The following PHTF1 variants were observed in gnomAD, a reference collection of about 807,000 sequenced individuals.
The protein encoded by PHTF1 is putative homeodomain transcription factor 1, also known as protein PHTF1.
Under a neutral mutation model 102.4 loss-of-function variants are expected in PHTF1, and 88 were observed. The observed-to-expected ratio is 0.86, with a 90% CI of 0.72 to 1.03. The LOEUF (loss-of-function observed/expected upper bound fraction) is 1.03, where lower values mean the gene tolerates loss of function less well. Among genes scored for constraint, PHTF1 ranks in the 50% least tolerant of loss-of-function variants. The pLI is 0.00. For synonymous variants in PHTF1, 289 were observed against 305.2 expected (o/e 0.95, Z 0.55); for missense variants, 814 against 909.5 (o/e 0.89, Z 1.35).
intron 7 of PHTF1, chr1:113,713,813 A>T: frequency 5.8e-6 from 1 of 172,044 alleles, no homozygotes; most frequent in Non-Finnish European, 1.2e-5. Context: ...CTATTGAGAC[A>T]CCAGCTGGGT....
chr1:113,731,359 C>A (rs2636016), intron 5 of PHTF1, among the ~76,000 whole-genome samples: 1,848 of 151,398 alleles, frequency 0.012, 46 homozygotes, highest in African/African-American at 0.043. Flanking sequence ...ATAGCGAGAG[C>A]CCATCTCTAA....
chr1:113,748,092 C>T (rs369821191), intron 3 of PHTF1, among the ~76,000 whole-genome samples: 1 of 152,148 alleles, frequency 6.6e-6, no homozygotes, highest in African/African-American at 2.4e-5. Context: ...ACCCTTTCAC[C>T]TCAGCCGTCT....
Position 113,706,719 on chromosome 1 carries a change from G to A in PHTF1, c.1273C>T (p.His425Tyr). The change falls in exon 12 of 19, where the codon CAT becomes TAT. Residue 425 changes from histidine (H) to tyrosine (Y), a missense_variant. Coordinates refer to ENST00000369604, the MANE Select transcript of PHTF1 (RefSeq NM_001323043.2). The part of the protein sequence containing the change: ...DPKEDVFQQN[H>Y]LFWLQNSSPS... ...CTTGAATTCTGAAGCCAGAATAAAT[G>A]ATTCTGAGAAGAAAAATATAAAATT... 1 of 1,597,162 alleles carries A rather than the reference G, an allele frequency of 6.3e-7. No individual in the cohort carries two copies. Among genetic ancestry groups the A allele is most frequent in the South Asian group, 1.1e-5 (1 of 88,234 alleles).
chr1:113,752,981 T>C (rs1571258670), intron 3 of PHTF1, among the ~76,000 whole-genome samples: 1 of 152,350 alleles, frequency 6.6e-6, no homozygotes, highest in Non-Finnish European at 1.5e-5. Context: ...AAGAACCTAG[T>C]TTATTATTAA....
chr1:113,698,181 A>G, intron 18 of PHTF1, 81 bp downstream of exon 18: 1 of 739,686 alleles, frequency 1.4e-6, no homozygotes, highest in Non-Finnish European at 2.2e-6. Context: ...ACACACACAC[A>G]CACACACGTG....
intron 5 of PHTF1, among the ~76,000 whole-genome samples, chr1:113,731,843 G>A (rs1482855346): frequency 2.8e-5 from 4 of 143,684 alleles, no homozygotes; most frequent in African/African-American, 1.0e-4. Context: ...GTTGCAGTGA[G>A]CCGAGATCAA....
rs773833412 is a variant in PHTF1, at chr1:113,704,730, G to A, written c.1739C>T (p.Pro580Leu). Residue 580 changes from proline to leucine, a missense_variant, in exon 14 of 19, where the codon CCT becomes CTT. Physicochemically the swap from Pro to Leu is moderately conservative, Grantham distance 98. Coordinates refer to ENST00000369604, the MANE Select transcript of PHTF1 (RefSeq NM_001323043.2). ...SARKARKYEI[P>L]HFRLKKVENI... ...CTCCACCTTCTTAAGTCTGAAATGA[G>A]GTATTTCATATTTCCTAGCTTTCCT... is the stretch of plus-strand genomic sequence containing the variant. The A allele has an allele frequency of 1.9e-6, 3 of 1,570,232 alleles. No individual in the cohort carries two copies. The highest frequency in any genetic ancestry group is 4.5e-5 in the East Asian group (2 of 44,630).
intron 14 of PHTF1, among the ~76,000 whole-genome samples, 184 bp downstream of exon 14, chr1:113,704,479 CTCT>C (rs547871779): frequency 7.2e-4 from 110 of 152,256 alleles, no homozygotes; most frequent in African/African-American, 2.5e-3. Context: ...CCTTTCTAAG[CTCT>C]TCTTTACCTA....
chr1:113,746,693 C>T (rs771299842), intron 3 of PHTF1, among the ~76,000 whole-genome samples: 7 of 152,086 alleles, frequency 4.6e-5, no homozygotes, highest in African/African-American at 7.2e-5. Context: ...ATCTACCTAT[C>T]GCATATGGAA....
chr1:113,706,108 T>C lies in PHTF1; in HGVS notation c.1453A>G (p.Ile485Val), dbSNP rs1650131624. The C allele has an allele frequency of 3.7e-6, 6 of 1,613,932 alleles. No homozygotes were observed. The highest frequency in any genetic ancestry group is 5.1e-6 in the Non-Finnish European group (6 of 1,179,854). ...AAGAATGGAAAAAATGCTAATCCAA[T>C]AGTGACAACATTTCCCAGCATCTGA... ...GYQMLGNVVT[I>V]GLAFFPFLHR... The change falls in exon 13 of 19, where the codon ATT (isoleucine) becomes GTT (valine). Residue 485 changes from isoleucine to valine, a missense_variant. By Grantham distance (29) the Ile-to-Val change is conservative. Transcript: ENST00000369604.
chr1:113,723,177 A>AT (rs1186819562), intron 7 of PHTF1, among the ~76,000 whole-genome samples: 2,289 of 135,782 alleles, frequency 0.017, 11 homozygotes, highest in African/African-American at 0.023. Context: ...CAGTGAACTC[A>AT]TTTTTTTTTT....
chr1:113,728,979 T>C lies in PHTF1; in HGVS notation c.332-2405A>G, dbSNP rs547051162. On this transcript the variant is annotated intron_variant, in intron 5 of 18. Transcript: ENST00000369604. ...ATCAAAGAGTCACTCCCACATTTGTTGTAGCACTGTTCACAACAGCCAAGA... is the reference window on the plus strand; with the variant it reads ...ATCAAAGAGTCACTCCCACATTTGTCGTAGCACTGTTCACAACAGCCAAGA... Among the ~76,000 whole-genome samples, 26 of 152,292 alleles carry C rather than the reference T, an allele frequency of 1.7e-4. No homozygotes were observed. The South Asian group carries it at 5.0e-3, about 29-fold the overall frequency.
chr1:113,724,077 A>C (rs1295505756), intron 7 of PHTF1, among the ~76,000 whole-genome samples: 1 of 152,202 alleles, frequency 6.6e-6, no homozygotes, highest in African/African-American at 2.4e-5. Context: ...ATATCATCTC[A>C]CTCCAGTTAA....
chr1:113,699,110 C>T (rs1649160069), intron 17 of PHTF1: 1 of 162,478 alleles, frequency 6.2e-6, no homozygotes, highest in Non-Finnish European at 1.3e-5. Flanking sequence ...TGGGTAACCA[C>T]CATCAGCAGC....
At chr1:113,724,616 C>A in intron 7 of PHTF1, 143 bp downstream of exon 7, 1 of 471,740 alleles carries the variant, frequency 2.1e-6, no homozygotes, top group East Asian at 3.3e-5. Context: ...ACAGTGAAGA[C>A]AACATTTTGA....
intron 15 of PHTF1, among the ~76,000 whole-genome samples, chr1:113,702,517 C>T (rs1046851892): frequency 3.3e-5 from 5 of 151,458 alleles, no homozygotes; most frequent in African/African-American, 4.9e-5. Context: ...TCTTGGAGGC[C>T]GAAGCAGGAG....
intron 7 of PHTF1, among the ~76,000 whole-genome samples, chr1:113,715,840 GTC>G (rs1235426861): frequency 6.7e-6 from 1 of 150,354 alleles, no homozygotes; most frequent in African/African-American, 2.4e-5. Context: ...ATGCATCAGA[GTC>G]TCTTAACAGC....
intron 3 of PHTF1, among the ~76,000 whole-genome samples, chr1:113,753,705 T>G (rs1050641698): frequency 3.3e-5 from 5 of 151,734 alleles, no homozygotes; most frequent in Non-Finnish European, 7.4e-5. Context: ...ATTACAGGCA[T>G]CAGCCACCGT....
chr1:113,742,208 AT>A (rs1421313263), intron 3 of PHTF1, among the ~76,000 whole-genome samples: 1 of 152,208 alleles, frequency 6.6e-6, no homozygotes, highest in Non-Finnish European at 1.5e-5. Flanking sequence ...CCTAGGCTAT[AT>A]GGCAGCCTAT....
Sources: gnomAD v4.1 joint callset for allele counts (sites outside exome capture counted in the v4.1 genomes callset) on GRCh38, gnomAD v4.1.1 for gene constraint, MANE v1.5 for transcripts, NCBI Gene and HGNC (gene_info 2026-07-23, HGNC 2026-07-21) for gene names.